Variants in PTPRD observed in about 807,000 individuals in gnomAD.
PTPRD encodes protein tyrosine phosphatase receptor type D, also known as receptor-type tyrosine-protein phosphatase delta.
Under a neutral mutation model 214.5 loss-of-function variants are expected in PTPRD, and 34 were observed. The observed-to-expected ratio is 0.16, with a 90% CI of 0.12 to 0.21. The LOEUF is 0.21. Among genes scored for constraint, PTPRD ranks in the 10% least tolerant of loss-of-function variants. The probability of loss-of-function intolerance (pLI) is 1.00; values close to 1 mark genes in which losing one functional copy is unlikely to be tolerated. For synonymous variants in PTPRD, 1,128 were observed against 845.7 expected, an observed-to-expected ratio of 1.33 and a Z score of -5.79; for missense variants, 2,545 against 2,398.7, an observed-to-expected ratio of 1.06 and a Z score of -1.27.
At chr9:9,934,776 AAG>A (rs1189732581) in intron 5 of PTPRD, among the ~76,000 whole-genome samples, 3 of 151,960 alleles carry the variant, frequency 2.0e-5, no homozygotes, top group African/African-American at 7.3e-5. Flanking sequence ...ACAACCAAAA[AAG>A]AGAATTTTAG....
intron 11 of PTPRD, among the ~76,000 whole-genome samples, chr9:8,996,025 C>T (rs1296504900): frequency 6.6e-6 from 1 of 151,998 alleles, no homozygotes; most frequent in Non-Finnish European, 1.5e-5. Flanking sequence ...AATAGGAATG[C>T]TATTTTGAAA....
At chr9:10,420,327 T>C (rs1407926) in intron 2 of PTPRD, among the ~76,000 whole-genome samples, 11,798 of 151,878 alleles carry the variant, frequency 0.078, 638 homozygotes, top group Admixed American at 0.17. Flanking sequence ...TCTTTACTAG[T>C]CTTTAGGATT....
chr9:8,466,732 T>G (rs2096551597), intron 31 of PTPRD, among the ~76,000 whole-genome samples: 1 of 151,912 alleles, frequency 6.6e-6, no homozygotes, highest in Non-Finnish European at 1.5e-5. Flanking sequence ...GTCTATGTAT[T>G]TGAGGACAAA....
intron 8 of PTPRD, among the ~76,000 whole-genome samples, chr9:9,503,511 T>A (rs1318976560): frequency 1.3e-5 from 2 of 151,608 alleles, no homozygotes; most frequent in African/African-American, 4.8e-5. Context: ...GATGAAAAAA[T>A]GTAGAGGAGG....
At chr9:8,425,021 C>A (rs566522083) in intron 35 of PTPRD, among the ~76,000 whole-genome samples, 1 of 152,304 alleles carries the variant, frequency 6.6e-6, no homozygotes, top group South Asian at 2.1e-4. Context: ...CATCTACACT[C>A]CCAAAGCATG....
intron 10 of PTPRD, among the ~76,000 whole-genome samples, chr9:9,025,943 C>T (rs370470162): frequency 7.9e-5 from 12 of 151,736 alleles, no homozygotes; most frequent in South Asian, 2.1e-4. Flanking sequence ...AATTATAGTC[C>T]GCTCAGATAA....
intron 21 of PTPRD, 70 bp downstream of exon 21, chr9:8,517,777 GT>G: frequency 1.5e-6 from 2 of 1,313,514 alleles, no homozygotes; most frequent in South Asian, 1.4e-5. Flanking sequence ...TTCCTTCTTT[GT>G]TTTTGTCCTT....
chr9:10,145,592 C>T (rs2154271032), intron 3 of PTPRD, among the ~76,000 whole-genome samples: 1 of 152,168 alleles, frequency 6.6e-6, no homozygotes, highest in South Asian at 2.1e-4. Context: ...ATCAGTAAGG[C>T]TTCTAGTCAA....
At chr9:9,116,031 C>T (rs942044977) in intron 10 of PTPRD, among the ~76,000 whole-genome samples, 1 of 151,888 alleles carries the variant, frequency 6.6e-6, no homozygotes, top group Non-Finnish European at 1.5e-5. Context: ...TACACATGGA[C>T]ATGAAGATGG....
intron 14 of PTPRD, among the ~76,000 whole-genome samples, chr9:8,591,953 A>G (rs1180850916): frequency 2.0e-5 from 3 of 152,154 alleles, no homozygotes; most frequent in African/African-American, 7.2e-5. Context: ...CAGAGAAAAA[A>G]TAAATTTGGG....
At chr9:8,999,503 T>C (rs1367596370) in intron 11 of PTPRD, among the ~76,000 whole-genome samples, 1 of 152,112 alleles carries the variant, frequency 6.6e-6, no homozygotes, top group Non-Finnish European at 1.5e-5. Context: ...AAACACTTAA[T>C]AGACTACAAT....
chr9:10,591,362 G>A (rs1363197715), intron 2 of PTPRD, among the ~76,000 whole-genome samples: 1 of 151,932 alleles, frequency 6.6e-6, no homozygotes, highest in Non-Finnish European at 1.5e-5. Context: ...TGTACTACTG[G>A]CACGTGTTTT....
intron 17 of PTPRD, among the ~76,000 whole-genome samples, chr9:8,525,388 T>C (rs2073832545): frequency 6.6e-6 from 1 of 152,090 alleles, no homozygotes; most frequent in South Asian, 2.1e-4. Context: ...TAATTTTTGG[T>C]TTTGTTTTGT....
At chr9:9,100,877 T>C (rs1569541810) in intron 10 of PTPRD, among the ~76,000 whole-genome samples, 2 of 152,170 alleles carry the variant, frequency 1.3e-5, no homozygotes, top group Admixed American at 6.5e-5. Context: ...AAATTCTCAT[T>C]CATACTGTGT....
At chr9:9,757,288 C>T (rs2098596462) in intron 6 of PTPRD, among the ~76,000 whole-genome samples, 1 of 152,108 alleles carries the variant, frequency 6.6e-6, no homozygotes, top group Non-Finnish European at 1.5e-5. Flanking sequence ...AGCTCTGCTA[C>T]ATGCACATAA....
chr9:8,944,581 A>G (rs184702971), intron 11 of PTPRD, among the ~76,000 whole-genome samples: 194 of 152,278 alleles, frequency 1.3e-3, no homozygotes, highest in African/African-American at 4.5e-3. Flanking sequence ...ATAAATGAGA[A>G]TGAGATCCTG....
chr9:10,157,273 C>G (rs978781340), intron 3 of PTPRD, among the ~76,000 whole-genome samples: 1 of 152,124 alleles, frequency 6.6e-6, no homozygotes, highest in Non-Finnish European at 1.5e-5. Flanking sequence ...TGATAAAGGT[C>G]TTTCCTTTCC....
At chr9:8,335,237 C>A (rs948879530) in intron 43 of PTPRD, among the ~76,000 whole-genome samples, 4 of 146,110 alleles carry the variant, frequency 2.7e-5, no homozygotes, top group Middle Eastern at 3.6e-3. Flanking sequence ...ACATCGATGC[C>A]AAAATCCTCA....
intron 3 of PTPRD, among the ~76,000 whole-genome samples, chr9:10,170,458 G>C (rs1165106281): frequency 1.3e-5 from 2 of 152,110 alleles, no homozygotes; most frequent in African/African-American, 4.8e-5. Context: ...TTGGGAGGCC[G>C]AGGCAGGCAG....
Sources: allele counts gnomAD v4.1 joint callset (sites outside exome capture counted in the v4.1 genomes callset), GRCh38; gene constraint gnomAD v4.1.1; transcripts MANE v1.5; gene names NCBI Gene and HGNC (gene_info 2026-07-23, HGNC 2026-07-21).